The following GRM7 variants were observed in gnomAD, a reference collection of about 807,000 sequenced individuals.
GRM7 encodes the protein metabotropic glutamate receptor 7.
GRM7 carries 35 observed loss-of-function variants against 84.5 expected under a neutral mutation model. The ratio of observed to expected loss-of-function variants is 0.41; its 90% CI spans 0.32 to 0.55. The LOEUF is 0.55. GRM7 is among the 20% of genes least tolerant of loss of function. The pLI is 0.19. For missense variants in GRM7, 1,003 were observed against 1,194.6 expected (o/e 0.84, Z 2.36); for synonymous variants, 487 against 455.1 (o/e 1.07, Z -0.89).
rs141434134 is a variant in GRM7 at position 7,397,379 on chromosome 3, T to C, written c.1034-17644T>C. Among the ~76,000 whole-genome samples, 98 of 152,244 alleles carry C rather than the reference T, an allele frequency of 6.4e-4. 1 individual carries two copies. Among genetic ancestry groups the C allele is most frequent in the Non-Finnish European group, 3.2e-4 (22 of 68,006 alleles). ...CATCCCTTGACTCAAAGCCATTATG[T>C]AGAGTTGCTTTACTAGAGGGTGAAA... On this transcript the variant is annotated intron_variant, in intron 4 of 9. Coordinates refer to ENST00000357716, the MANE Select transcript of GRM7 (RefSeq NM_000844.4).
chr3:7,478,147 T>C (rs1473778143), intron 7 of GRM7, among the ~76,000 whole-genome samples: 1 of 152,182 alleles, frequency 6.6e-6, no homozygotes, highest in Non-Finnish European at 1.5e-5. Flanking sequence ...GGGATTTTTC[T>C]TTCTTCTGCT....
At chr3:7,550,248 TCTC>T (rs1334206944) in intron 7 of GRM7, among the ~76,000 whole-genome samples, 3 of 149,580 alleles carry the variant, frequency 2.0e-5, no homozygotes, top group Admixed American at 6.7e-5. Flanking sequence ...AGCCACTTTC[TCTC>T]CTCCTCCTCC....
intron 2 of GRM7, among the ~76,000 whole-genome samples, chr3:7,182,454 T>C (rs1451810457): frequency 6.6e-6 from 1 of 152,214 alleles, no homozygotes; most frequent in Non-Finnish European, 1.5e-5. Flanking sequence ...TTGTTCTCCT[T>C]AGTTTCTTTT....
intron 1 of GRM7, among the ~76,000 whole-genome samples, chr3:7,041,750 G>A (rs926256812): frequency 3.3e-5 from 5 of 152,096 alleles, no homozygotes; most frequent in African/African-American, 1.2e-4. Context: ...TGATTTTTTG[G>A]AATGCTAATG....
At chr3:7,627,312 G>A (rs906633606) in intron 8 of GRM7, among the ~76,000 whole-genome samples, 3 of 152,150 alleles carry the variant, frequency 2.0e-5, no homozygotes, top group Non-Finnish European at 2.9e-5. Context: ...TCTCAAAAAT[G>A]TTACCTGGAG....
chr3:6,980,290 G>T (rs1346730173), intron 1 of GRM7, among the ~76,000 whole-genome samples: 3 of 152,074 alleles, frequency 2.0e-5, no homozygotes, highest in Non-Finnish European at 4.4e-5. Context: ...TGAGGCCATA[G>T]ACCTTTACAG....
chr3:6,895,239 G>A (rs1696132969), intron 1 of GRM7, among the ~76,000 whole-genome samples: 1 of 152,116 alleles, frequency 6.6e-6, no homozygotes, highest in Admixed American at 6.6e-5. Context: ...CACCAAAAGT[G>A]TCGCCTCAGT....
At chr3:7,416,389 G>A (rs1696160403) in intron 5 of GRM7, among the ~76,000 whole-genome samples, 1 of 152,072 alleles carries the variant, frequency 6.6e-6, no homozygotes, top group South Asian at 2.1e-4. Context: ...TTTTATATAT[G>A]ATCAAGAAAG....
intron 1 of GRM7, among the ~76,000 whole-genome samples, chr3:7,021,354 A>T (rs1178140595): frequency 6.6e-6 from 1 of 152,176 alleles, no homozygotes; most frequent in Non-Finnish European, 1.5e-5. Flanking sequence ...AAAAGATGTA[A>T]CTTGCTCATA....
intron 1 of GRM7, among the ~76,000 whole-genome samples, chr3:6,902,183 G>A (rs189282793): frequency 2.0e-5 from 3 of 152,248 alleles, no homozygotes; most frequent in African/African-American, 7.2e-5. Flanking sequence ...CTACCGTGAA[G>A]CACATACTTC....
chr3:6,889,466 C>G (rs1458126222), intron 1 of GRM7, among the ~76,000 whole-genome samples: 6 of 151,378 alleles, frequency 4.0e-5, no homozygotes, highest in Non-Finnish European at 8.9e-5. Context: ...TGTCAAAGGC[C>G]TTTTCTGCAT....
At chr3:7,276,748 T>C (rs535608453) in intron 2 of GRM7, among the ~76,000 whole-genome samples, 1 of 32,366 alleles carries the variant, frequency 3.1e-5, no homozygotes, top group African/African-American at 1.0e-4. Flanking sequence ...TTTCTTTCTG[T>C]TTCTTTCTCT....
At chr3:7,721,871 C>A (rs1257449591) in intron 9 of GRM7, among the ~76,000 whole-genome samples, 1 of 152,168 alleles carries the variant, frequency 6.6e-6, no homozygotes, top group African/African-American at 2.4e-5. Flanking sequence ...CCCTTTGAGT[C>A]CACTTGAATC....
intron 1 of GRM7, among the ~76,000 whole-genome samples, chr3:6,934,397 C>G (rs1697614074): frequency 6.6e-6 from 1 of 152,044 alleles, no homozygotes; most frequent in Non-Finnish European, 1.5e-5. Context: ...AAACTGCCCC[C>G]CACCCTGCCC....
intron 9 of GRM7, 93 bp downstream of exon 9, chr3:7,680,388 G>A (rs1700317956): frequency 1.5e-6 from 2 of 1,337,348 alleles, no homozygotes; most frequent in South Asian, 1.3e-5. Flanking sequence ...GAAATACTGT[G>A]ATCGTTCTTG....
chr3:7,546,118 T>G (rs2125020140), intron 7 of GRM7, among the ~76,000 whole-genome samples: 1 of 152,318 alleles, frequency 6.6e-6, no homozygotes, highest in East Asian at 1.9e-4. Flanking sequence ...TTTTAATTCA[T>G]ATGCAAGGAG....
At chr3:7,073,888 T>C (rs1373904410) in intron 1 of GRM7, among the ~76,000 whole-genome samples, 1 of 152,100 alleles carries the variant, frequency 6.6e-6, no homozygotes, top group East Asian at 1.9e-4. Flanking sequence ...GTCATGGAGA[T>C]TGATCATTTC....
At chr3:7,185,119 G>A (rs12715601) in intron 2 of GRM7, among the ~76,000 whole-genome samples, 49,697 of 151,936 alleles carry the variant, frequency 0.33, 8,402 homozygotes, top group African/African-American at 0.38. Flanking sequence ...GCAAAAGCCA[G>A]TATTTAAACC....
intron 1 of GRM7, among the ~76,000 whole-genome samples, chr3:7,055,520 TATACATACACACACATTTAAG>T (rs1559409875): frequency 2.0e-5 from 3 of 149,760 alleles, no homozygotes; most frequent in African/African-American, 7.5e-5. Context: ...TATATATATA[TATACATACACACACATTTAAG>T]ACAGAGTCTC....
Sources: gnomAD v4.1 joint callset for allele counts (sites outside exome capture counted in the v4.1 genomes callset) on GRCh38, gnomAD v4.1.1 for gene constraint, MANE v1.5 for transcripts, NCBI Gene and HGNC (gene_info 2026-07-23, HGNC 2026-07-21) for gene names.